RBFOX1: variants seen among roughly 807,000 people sequenced by gnomAD.
RBFOX1 encodes RNA binding protein fox-1 homolog 1.
RBFOX1 carries 8 observed loss-of-function variants against 57.7 expected under a neutral mutation model. The observed-to-expected ratio is 0.14, with a 90% CI of 0.08 to 0.25. The LOEUF (loss-of-function observed/expected upper bound fraction) is 0.25, where lower values mean the gene tolerates loss of function less well. Among genes scored for constraint, RBFOX1 ranks in the 10% least tolerant of loss-of-function variants. The pLI, the probability that RBFOX1 is intolerant of heterozygous loss-of-function variation, is 1.00. For synonymous variants in RBFOX1, 326 were observed against 222.4 expected, an observed-to-expected ratio of 1.47 and a Z score of -4.15; for missense variants, 611 against 548.5, an observed-to-expected ratio of 1.11 and a Z score of -1.14.
rs181615868 is a variant in RBFOX1, at chr16:7,577,291, G to C, written c.271-2486G>C. Among the ~76,000 whole-genome samples the C allele has an allele frequency of 1.8e-4, 27 of 152,228 alleles. No homozygotes were observed. The East Asian group carries it at 5.0e-3, about 28-fold the overall frequency. ...GAAGCTCAGACTCTTGCTTTGCACAGTGTCCTTTGATCTAGCCCCTTGACT... is the reference window on the plus strand; with the variant it reads ...GAAGCTCAGACTCTTGCTTTGCACACTGTCCTTTGATCTAGCCCCTTGACT... On this transcript the variant is annotated intron_variant, in intron 5 of 15. Coordinates refer to ENST00000550418, the MANE Select transcript of RBFOX1 (RefSeq NM_018723.4).
At chr16:6,707,848 C>A (rs895068326) in intron 3 of RBFOX1, among the ~76,000 whole-genome samples, 12 of 152,142 alleles carry the variant, frequency 7.9e-5, no homozygotes, top group African/African-American at 4.8e-5. Flanking sequence ...GCTCAAAGCG[C>A]CACAAAGAAA....
intron 3 of RBFOX1, among the ~76,000 whole-genome samples, chr16:7,022,058 C>G (rs1476042331): frequency 9.5e-6 from 1 of 105,088 alleles, no homozygotes; most frequent in Non-Finnish European, 1.9e-5. Flanking sequence ...CCCCTTCCCC[C>G]TCCCCTTTCC....
chr16:7,522,353 C>A (rs1408465856), intron 5 of RBFOX1, among the ~76,000 whole-genome samples: 1 of 152,094 alleles, frequency 6.6e-6, no homozygotes, highest in Non-Finnish European at 1.5e-5. Context: ...AGTAAGACAT[C>A]AATGGGATGT....
chr16:5,925,407 A>G (rs2152237017), intron 4 of RBFOX1, among the ~76,000 whole-genome samples: 1 of 152,362 alleles, frequency 6.6e-6, no homozygotes, highest in Non-Finnish European at 1.5e-5. Context: ...CTAGACCTGA[A>G]GAACACTTAC....
At chr16:6,869,982 A>C (rs536616705) in intron 3 of RBFOX1, among the ~76,000 whole-genome samples, 1 of 152,186 alleles carries the variant, frequency 6.6e-6, no homozygotes, top group African/African-American at 2.4e-5. Flanking sequence ...ATAAGGGATC[A>C]AAGGTAACAT....
At chr16:5,456,424 G>A (rs1291577912) in intron 1 of RBFOX1, among the ~76,000 whole-genome samples, 2 of 152,182 alleles carry the variant, frequency 1.3e-5, no homozygotes, top group African/African-American at 2.4e-5. Context: ...GAAAGGTTGG[G>A]TTGTGGAAAT....
intron 2 of RBFOX1, among the ~76,000 whole-genome samples, chr16:6,342,063 C>T (rs2084652702): frequency 6.6e-6 from 1 of 152,186 alleles, no homozygotes; most frequent in South Asian, 2.1e-4. Flanking sequence ...TATTATTCTG[C>T]CTAGCACAGG....
intron 1 of RBFOX1, among the ~76,000 whole-genome samples, chr16:6,311,235 G>T (rs2080260017): frequency 7.0e-6 from 1 of 141,980 alleles, no homozygotes; most frequent in South Asian, 2.3e-4. Context: ...GGCAGAGGTT[G>T]CAGTGAGCTG....
At chr16:6,549,517 GGAGAGGA>G (rs2096952417) in intron 2 of RBFOX1, among the ~76,000 whole-genome samples, 1 of 117,588 alleles carries the variant, frequency 8.5e-6, no homozygotes, top group African/African-American at 3.4e-5. Flanking sequence ...AAGAGGAGGA[GGAGAGGA>G]GGGAGGAGGA....
chr16:6,486,659 A>ATTT (rs71145235), intron 2 of RBFOX1, among the ~76,000 whole-genome samples: 66 of 148,842 alleles, frequency 4.4e-4, no homozygotes, highest in African/African-American at 1.6e-3. Flanking sequence ...TAATTTTATT[A>ATTT]TTTTTTTTTT....
At chr16:6,492,834 CAG>C (rs2095664376) in intron 2 of RBFOX1, among the ~76,000 whole-genome samples, 1 of 152,260 alleles carries the variant, frequency 6.6e-6, no homozygotes, top group Non-Finnish European at 1.5e-5. Context: ...GCCCAAAACT[CAG>C]AAATCTGTTT....
intron 3 of RBFOX1, among the ~76,000 whole-genome samples, chr16:5,655,236 A>G (rs374864089): frequency 3.9e-5 from 6 of 152,324 alleles, no homozygotes; most frequent in South Asian, 4.1e-4. Context: ...TTGTGATAAT[A>G]TGTGAGGAGA....
chr16:6,574,943 G>C (rs1462111491), intron 2 of RBFOX1, among the ~76,000 whole-genome samples: 19 of 151,324 alleles, frequency 1.3e-4, no homozygotes, highest in Non-Finnish European at 2.2e-4. Context: ...GAGGCTGAGG[G>C]AGGAGAATGG....
intron 1 of RBFOX1, among the ~76,000 whole-genome samples, chr16:6,090,794 G>A (rs995420048): frequency 3.3e-5 from 5 of 152,122 alleles, no homozygotes; most frequent in East Asian, 3.9e-4. Context: ...TGTTGGATCC[G>A]TTAAGCTGTA....
At chr16:6,253,695 G>GTATA (rs1170735963) in intron 1 of RBFOX1, among the ~76,000 whole-genome samples, 3 of 96,212 alleles carry the variant, frequency 3.1e-5, no homozygotes, top group African/African-American at 6.0e-5. Flanking sequence ...GTGTGTGTGT[G>GTATA]TGTGTATATA....
intron 3 of RBFOX1, among the ~76,000 whole-genome samples, chr16:5,712,159 C>T (rs111242242): frequency 3.9e-5 from 6 of 152,124 alleles, no homozygotes; most frequent in Admixed American, 1.3e-4. Context: ...GCAGCATAGG[C>T]GAAAACTGCC....
intron 3 of RBFOX1, among the ~76,000 whole-genome samples, chr16:6,873,480 T>C (rs2153275858): frequency 6.6e-6 from 1 of 152,310 alleles, no homozygotes; most frequent in South Asian, 2.1e-4. Context: ...CTTCTGCAAT[T>C]GCATAAAACT....
chr16:6,477,676 A>T (rs1382670167), intron 2 of RBFOX1, among the ~76,000 whole-genome samples: 1 of 152,202 alleles, frequency 6.6e-6, no homozygotes, highest in African/African-American at 2.4e-5. Context: ...TTAGCCCCTA[A>T]TAAGAGCGTC....
intron 4 of RBFOX1, among the ~76,000 whole-genome samples, chr16:6,004,959 T>G (rs1190915808): frequency 2.0e-5 from 3 of 152,002 alleles, no homozygotes; most frequent in African/African-American, 7.3e-5. Context: ...CAAAATCGGA[T>G]GAGGGAAAGG....
Sources: allele counts gnomAD v4.1 joint callset (sites outside exome capture counted in the v4.1 genomes callset), GRCh38; gene constraint gnomAD v4.1.1; transcripts MANE v1.5; gene names NCBI Gene and HGNC (gene_info 2026-07-23, HGNC 2026-07-21).